The following FGF12 variants were observed in gnomAD, a reference collection of about 807,000 sequenced individuals.
FGF12 encodes fibroblast growth factor 12B.
In FGF12, 14 loss-of-function variants were observed where a neutral mutation model predicts 23.6. The observed-to-expected ratio is 0.59, with a 90% CI of 0.39 to 0.93. The LOEUF (loss-of-function observed/expected upper bound fraction) is 0.93, where lower values mean the gene tolerates loss of function less well. Ranked by LOEUF, FGF12 falls within the 40% of genes least tolerant of loss-of-function variation. The pLI is 0.00. For missense variants in FGF12, 175 were observed against 217.8 expected (o/e 0.80, Z 1.24); for synonymous variants, 62 against 77.3 (o/e 0.80, Z 1.04).
At chr3:192,634,471 C>T (rs1715507695) in intron 2 of FGF12, among the ~76,000 whole-genome samples, 1 of 152,054 alleles carries the variant, frequency 6.6e-6, no homozygotes, top group Non-Finnish European at 1.5e-5. Context: ...AATACTACAC[C>T]ATTTTACATA....
At chr3:192,435,084 T>G (rs1721976829) in intron 2 of FGF12, among the ~76,000 whole-genome samples, 1 of 152,204 alleles carries the variant, frequency 6.6e-6, no homozygotes, top group Non-Finnish European at 1.5e-5. Flanking sequence ...TGGTCTCATT[T>G]TCCTCAACAG....
At chr3:192,407,934 T>C in intron 2 of FGF12, 3 of 1,354,526 alleles carry the variant, frequency 2.2e-6, no homozygotes, top group Non-Finnish European at 3.0e-6. Flanking sequence ...AGAGGAATCC[T>C]GGTTCCCTTC....
chr3:192,372,563 G>T (rs1328461575), intron 2 of FGF12, among the ~76,000 whole-genome samples: 1 of 152,178 alleles, frequency 6.6e-6, no homozygotes, highest in African/African-American at 2.4e-5. Flanking sequence ...AGGGGCATAT[G>T]CAGGGCAGTG....
intron 4 of FGF12, among the ~76,000 whole-genome samples, chr3:192,185,267 C>A (rs1267026177): frequency 6.6e-6 from 1 of 152,172 alleles, no homozygotes; most frequent in South Asian, 2.1e-4. Context: ...TCACTTGAGA[C>A]CCCGGCCTCT....
chr3:192,305,331 C>T (rs1715563022), intron 4 of FGF12, among the ~76,000 whole-genome samples: 1 of 151,942 alleles, frequency 6.6e-6, no homozygotes, highest in African/African-American at 2.4e-5. Context: ...ACTCAAAAAG[C>T]TAAATGTAAA....
intron 2 of FGF12, among the ~76,000 whole-genome samples, chr3:192,444,389 A>G (rs974310927): frequency 1.3e-5 from 2 of 152,006 alleles, no homozygotes; most frequent in African/African-American, 4.8e-5. Flanking sequence ...CTTTTGACTC[A>G]GCCCTCTTTG....
intron 2 of FGF12, among the ~76,000 whole-genome samples, chr3:192,529,109 T>C (rs1725025231): frequency 6.6e-6 from 1 of 152,216 alleles, no homozygotes; most frequent in African/African-American, 2.4e-5. Context: ...TCTATCGCAT[T>C]GTCAGGCTGC....
At chr3:192,283,248 C>G (rs956300624) in intron 4 of FGF12, among the ~76,000 whole-genome samples, 2 of 152,054 alleles carry the variant, frequency 1.3e-5, no homozygotes, top group Non-Finnish European at 2.9e-5. Flanking sequence ...AGAACTATTA[C>G]TATTTATGTT....
At chr3:192,646,824 C>T (rs545515774) in intron 2 of FGF12, among the ~76,000 whole-genome samples, 1 of 152,006 alleles carries the variant, frequency 6.6e-6, no homozygotes, top group African/African-American at 2.4e-5. Context: ...ATACTGAAAA[C>T]CAGTACGTTG....
Position 192,514,990 on chromosome 3 carries a change from CT to C in FGF12, c.14-154453del. 2.9e-6 allele frequency: 1 copy of C among 341,110 alleles called. No individual in the cohort carries two copies. The highest frequency in any genetic ancestry group is 2.2e-5 in the African/African-American group (1 of 44,996). 21.1% of individuals were successfully genotyped at this position (341,110 alleles called of 1,614,324 possible). On this transcript the variant is annotated intron_variant, in intron 2 of 5. Coordinates refer to ENST00000445105, the MANE Select transcript of FGF12 (RefSeq NM_004113.6). The surrounding 1 kb of genome is among the most constrained non-coding windows in gnomAD (Gnocchi z 4.9). ...CCGAGAGCCCGAGGCGCTGCCACCC[CT>C]CGGTGGGCTCGAGCACGGCCCCTTG...
chr3:192,655,335 C>T (rs558993859), intron 2 of FGF12, among the ~76,000 whole-genome samples: 53 of 152,260 alleles, frequency 3.5e-4, no homozygotes, highest in African/African-American at 1.2e-3. Flanking sequence ...GAAAGCATTC[C>T]ATTGACAGGC....
intron 4 of FGF12, among the ~76,000 whole-genome samples, chr3:192,182,555 T>C (rs1716238243): frequency 6.6e-6 from 1 of 152,172 alleles, no homozygotes; most frequent in African/African-American, 2.4e-5. Flanking sequence ...AGGCAATCTC[T>C]AAATGGACTC....
At chr3:192,716,575 G>C (rs1718873463) in intron 2 of FGF12, among the ~76,000 whole-genome samples, 2 of 152,144 alleles carry the variant, frequency 1.3e-5, no homozygotes, top group Non-Finnish European at 2.9e-5. Context: ...ATAAAACTAG[G>C]TAAGATGAAG....
At chr3:192,228,521 G>A (rs1471432109) in intron 4 of FGF12, among the ~76,000 whole-genome samples, 2 of 151,992 alleles carry the variant, frequency 1.3e-5, no homozygotes, top group African/African-American at 2.4e-5. Context: ...GTCAAGGCGC[G>A]TCACCTTTGG....
intron 4 of FGF12, among the ~76,000 whole-genome samples, chr3:192,263,184 C>T (rs779995501): frequency 2.1e-4 from 32 of 151,966 alleles, no homozygotes; most frequent in Admixed American, 1.4e-3. Context: ...AGCAATATGG[C>T]AGTAAAAATG....
intron 2 of FGF12, among the ~76,000 whole-genome samples, chr3:192,677,670 C>T (rs1050528847): frequency 3.3e-5 from 5 of 152,164 alleles, no homozygotes; most frequent in African/African-American, 4.8e-5. Flanking sequence ...CACCAATGGA[C>T]GCAATGTGAC....
At chr3:192,324,564 CCT>C (rs1278384654) in intron 4 of FGF12, among the ~76,000 whole-genome samples, 1 of 152,182 alleles carries the variant, frequency 6.6e-6, no homozygotes, top group Non-Finnish European at 1.5e-5. Context: ...CATTATTACC[CCT>C]GTTTTACACA....
chr3:192,423,426 T>C (rs1038789840), intron 2 of FGF12, among the ~76,000 whole-genome samples: 1 of 152,188 alleles, frequency 6.6e-6, no homozygotes, highest in Admixed American at 6.5e-5. Flanking sequence ...TTTTTCATTC[T>C]AATGTATAAC....
intron 4 of FGF12, among the ~76,000 whole-genome samples, chr3:192,332,983 A>G (rs957453577): frequency 1.6e-4 from 24 of 152,154 alleles, no homozygotes; most frequent in African/African-American, 5.8e-4. Flanking sequence ...AGTCGAGAGA[A>G]GAACTGAAAA....
Sources: gnomAD v4.1 joint callset for allele counts (sites outside exome capture counted in the v4.1 genomes callset) on GRCh38, gnomAD v4.1.1 for gene constraint, Gnocchi (gnomAD v3.1) non-coding constraint, MANE v1.5 for transcripts, NCBI Gene and HGNC (gene_info 2026-07-23, HGNC 2026-07-21) for gene names.